Variants in EGLN1 observed in about 807,000 individuals in gnomAD.
The protein encoded by EGLN1 is egl-9 family hypoxia inducible factor 1.
Under a neutral mutation model 38.3 loss-of-function variants are expected in EGLN1, and 17 were observed. The observed-to-expected ratio is 0.44, with a 90% CI of 0.30 to 0.67. The LOEUF is 0.67. Among genes scored for constraint, EGLN1 ranks in the 30% least tolerant of loss-of-function variants. The probability of loss-of-function intolerance (pLI) is 0.08; values close to 1 mark genes in which losing one functional copy is unlikely to be tolerated. For synonymous variants in EGLN1, 283 were observed against 257.5 expected (o/e 1.10, Z -0.95); for missense variants, 477 against 603.3 (o/e 0.79, Z 2.19).
chr1:231,404,267 GTAATTCTACA>G (rs1688733007), intron 1 of EGLN1, among the ~76,000 whole-genome samples: 2 of 152,054 alleles, frequency 1.3e-5, no homozygotes, highest in Non-Finnish European at 2.9e-5. Flanking sequence ...AGACACCAAA[GTAATTCTACA>G]TATTTTATAA....
chr1:231,415,870 C>T (rs1259263494), intron 1 of EGLN1, among the ~76,000 whole-genome samples: 2 of 145,884 alleles, frequency 1.4e-5, no homozygotes, highest in East Asian at 2.0e-4. Flanking sequence ...TTTTTTGAGA[C>T]GGAGTCTCGC....
chr1:231,378,410 AACAAT>A, intron 1 of EGLN1, among the ~76,000 whole-genome samples: 1 of 152,134 alleles, frequency 6.6e-6, no homozygotes, highest in East Asian at 1.9e-4. Flanking sequence ...AACAAAACAA[AACAAT>A]ACTATTTTTT....
intron 2 of EGLN1, among the ~76,000 whole-genome samples, chr1:231,372,148 T>C (rs561892438): frequency 6.6e-6 from 1 of 152,328 alleles, no homozygotes; most frequent in Admixed American, 6.5e-5. Context: ...CCACTCTTCC[T>C]CCTCTGAATT....
In EGLN1 at chr1:231,421,739, G is replaced by A. The variant is rs1041336239; in HGVS notation, c.150C>T (p.Asp50=). Residue 50 remains aspartate (D), a synonymous_variant, in exon 1 of 5, where the codon GAC becomes GAT. Transcript: ENST00000366641. This position sits in a 1 kb window ranked among gnomAD's most constrained non-coding sequence, Gnocchi z 5.5. ...GGCACACGAGCTTGTGCTTCTTCCA[G>A]TCCTGACGCTGGTGCTCCTTGCAGC... is the stretch of plus-strand genomic sequence containing the variant. ...FYCCKEHQRQ[D]WKKHKLVCQG... 1 of 1,542,764 alleles carries A rather than the reference G, an allele frequency of 6.5e-7. No individual in the cohort carries two copies. The highest frequency in any genetic ancestry group is 8.7e-7 in the Non-Finnish European group (1 of 1,152,928).
chr1:231,388,485 C>G lies in EGLN1; in HGVS notation c.892-14386G>C, dbSNP rs536686988. Among the ~76,000 whole-genome samples, 22 of 152,164 alleles carry G rather than the reference C, an allele frequency of 1.4e-4. No homozygotes were observed. The South Asian group carries it at 2.5e-3, about 17-fold the overall frequency. On this transcript the variant is annotated intron_variant, in intron 1 of 4. Transcript: ENST00000366641. Reference sequence around the variant, plus strand: ...AGCTAGTGTCTGTCTCTGTCTCGCTCTCTGTCTGTCTCAGTCTCACTCTGT... The same window carrying G: ...AGCTAGTGTCTGTCTCTGTCTCGCTGTCTGTCTGTCTCAGTCTCACTCTGT...
chr1:231,415,745 G>T (rs1689063822), intron 1 of EGLN1, among the ~76,000 whole-genome samples: 1 of 152,126 alleles, frequency 6.6e-6, no homozygotes, highest in African/African-American at 2.4e-5. Context: ...TATAAACGGA[G>T]CAACTGACGA....
chr1:231,396,963 CTCT>C (rs1436022115), intron 1 of EGLN1, among the ~76,000 whole-genome samples: 1 of 152,190 alleles, frequency 6.6e-6, no homozygotes, highest in Non-Finnish European at 1.5e-5. Flanking sequence ...TTAAAAGAAG[CTCT>C]TATCTTTTGC....
chr1:231,421,820 C>T lies in EGLN1; in HGVS notation c.69G>A (p.Leu23=). The change falls in exon 1 of 5, where the codon CTG becomes CTA. Residue 23 remains leucine (L), a synonymous_variant. Coordinates refer to ENST00000366641, the MANE Select transcript of EGLN1 (RefSeq NM_022051.3). The surrounding 1 kb of genome is among the most constrained non-coding windows in gnomAD (Gnocchi z 5.5). The part of the protein sequence containing the change: ...PSERDRQYCE[L]CGKMENLLRC... ...GCAGCAGGTTCTCCATCTTCCCGCA[C>T]AGCTCGCAGTACTGCCGGTCTCGCT... 1 of 1,546,970 alleles carries T rather than the reference C, an allele frequency of 6.5e-7. No individual in the cohort carries two copies. The highest frequency in any genetic ancestry group is 8.6e-7 in the Non-Finnish European group (1 of 1,156,878).
intron 1 of EGLN1, among the ~76,000 whole-genome samples, chr1:231,412,410 A>T (rs1303820777): frequency 6.6e-6 from 1 of 152,204 alleles, no homozygotes; most frequent in Non-Finnish European, 1.5e-5. Flanking sequence ...ATTGAATCTA[A>T]ATCTATGCTT....
intron 2 of EGLN1, among the ~76,000 whole-genome samples, chr1:231,372,650 C>G (rs191037926): frequency 6.6e-6 from 1 of 152,268 alleles, no homozygotes; most frequent in East Asian, 1.9e-4. Flanking sequence ...AAAGCTGTAA[C>G]AGAAAAACCA....
At chr1:231,408,770 T>C (rs886814334) in intron 1 of EGLN1, among the ~76,000 whole-genome samples, 2 of 152,034 alleles carry the variant, frequency 1.3e-5, no homozygotes, top group African/African-American at 4.8e-5. Flanking sequence ...TGATGGGAAG[T>C]GCCAGAGGAA....
At chr1:231,411,637 T>C (rs777673500) in intron 1 of EGLN1, among the ~76,000 whole-genome samples, 17 of 152,164 alleles carry the variant, frequency 1.1e-4, no homozygotes, top group Non-Finnish European at 2.4e-4. Context: ...GACAATCTAA[T>C]GTTTACCCAT....
intron 1 of EGLN1, among the ~76,000 whole-genome samples, chr1:231,399,055 A>G (rs1451021065): frequency 1.3e-5 from 2 of 152,238 alleles, no homozygotes; most frequent in African/African-American, 4.8e-5. Context: ...ATTTAATGGC[A>G]GTTTGAAATA....
intron 1 of EGLN1, among the ~76,000 whole-genome samples, chr1:231,415,440 T>C (rs369792515): frequency 1.5e-4 from 22 of 148,486 alleles, no homozygotes; most frequent in African/African-American, 5.1e-4. Flanking sequence ...AAAAATGTTA[T>C]TTCTTCTCTT....
chr1:231,371,507 C>A (rs1355136238), intron 2 of EGLN1, among the ~76,000 whole-genome samples: 1 of 152,180 alleles, frequency 6.6e-6, no homozygotes, highest in Non-Finnish European at 1.5e-5. Context: ...TTATTGTCGT[C>A]GTCACCATCA....
chr1:231,416,389 T>G (rs1021291542), intron 1 of EGLN1, among the ~76,000 whole-genome samples: 3 of 151,870 alleles, frequency 2.0e-5, no homozygotes, highest in African/African-American at 7.3e-5. Flanking sequence ...TTTTTGTGGA[T>G]TATTAGGTAG....
intron 1 of EGLN1, among the ~76,000 whole-genome samples, chr1:231,405,275 C>G (rs1007679796): frequency 1.3e-5 from 2 of 152,122 alleles, no homozygotes; most frequent in Non-Finnish European, 2.9e-5. Context: ...CGGGTTCACG[C>G]CATTCTCCTG....
chr1:231,401,406 A>C (rs1688660124), intron 1 of EGLN1, among the ~76,000 whole-genome samples: 1 of 152,186 alleles, frequency 6.6e-6, no homozygotes, highest in African/African-American at 2.4e-5. Context: ...AAATGTTGGC[A>C]ATATAAGCAA....
chr1:231,383,893 T>A (rs1688132232), intron 1 of EGLN1, among the ~76,000 whole-genome samples: 1 of 152,128 alleles, frequency 6.6e-6, no homozygotes, highest in Admixed American at 6.6e-5. Context: ...TATTCCTTCA[T>A]AAGAGATCCT....
Sources: allele counts gnomAD v4.1 joint callset (sites outside exome capture counted in the v4.1 genomes callset), GRCh38; gene constraint gnomAD v4.1.1; non-coding constraint Gnocchi (gnomAD v3.1); transcripts MANE v1.5; gene names NCBI Gene and HGNC (gene_info 2026-07-23, HGNC 2026-07-21).